Variants in TMEM132B observed in about 807,000 individuals in gnomAD.
TMEM132B encodes transmembrane protein 132B.
TMEM132B carries 18 observed loss-of-function variants against 90.8 expected under a neutral mutation model. The ratio of observed to expected loss-of-function variants is 0.20; its 90% CI spans 0.14 to 0.29. The LOEUF (loss-of-function observed/expected upper bound fraction) is 0.29. TMEM132B is among the 10% of genes least tolerant of loss of function. The probability of loss-of-function intolerance (pLI) is 1.00; values close to 1 mark genes in which losing one functional copy is unlikely to be tolerated. For synonymous variants in TMEM132B, 504 were observed against 523.3 expected (o/e 0.96, Z 0.50); for missense variants, 1,096 against 1,326.8 (o/e 0.83, Z 2.70).
intron 1 of TMEM132B, among the ~76,000 whole-genome samples, chr12:125,287,899 A>T (rs1288992883): frequency 1.3e-5 from 2 of 151,754 alleles, no homozygotes; most frequent in Non-Finnish European, 2.9e-5. Context: ...ACAGTGTCTC[A>T]CTCTGTCGCC....
At chr12:125,595,169 G>A (rs1429427961) in intron 5 of TMEM132B, among the ~76,000 whole-genome samples, 1 of 152,188 alleles carries the variant, frequency 6.6e-6, no homozygotes, top group Admixed American at 6.5e-5. Flanking sequence ...GCCCTGTTGA[G>A]CTTTCTTTGC....
chr12:125,645,406 G>A (rs1886738838), intron 6 of TMEM132B, among the ~76,000 whole-genome samples: 1 of 152,170 alleles, frequency 6.6e-6, no homozygotes, highest in Non-Finnish European at 1.5e-5. Context: ...CAAGCAGAGA[G>A]TTCCTGCCAA....
intron 1 of TMEM132B, among the ~76,000 whole-genome samples, chr12:125,259,597 T>C (rs888471526): frequency 1.3e-5 from 2 of 152,130 alleles, no homozygotes; most frequent in Non-Finnish European, 2.9e-5. Context: ...GCTCTAAGAA[T>C]TGGGAGGGAA....
At chr12:125,533,018 T>C (rs1241171711) in intron 4 of TMEM132B, among the ~76,000 whole-genome samples, 8 of 152,158 alleles carry the variant, frequency 5.3e-5, no homozygotes, top group African/African-American at 1.9e-4. Context: ...TGCCAGCCTC[T>C]GTACTGATCA....
chr12:125,247,104 A>G (rs1003400339), intron 1 of TMEM132B, among the ~76,000 whole-genome samples: 5 of 152,208 alleles, frequency 3.3e-5, no homozygotes, highest in Admixed American at 1.3e-4. Context: ...CTCACTACCT[A>G]TAAGGTAACC....
chr12:125,294,983 C>T (rs1483774204), intron 1 of TMEM132B, among the ~76,000 whole-genome samples: 2 of 152,106 alleles, frequency 1.3e-5, no homozygotes, highest in African/African-American at 2.4e-5. Context: ...ACAACCTTAA[C>T]GGCGGGTGGT....
At chr12:125,524,585 A>G (rs1015782329) in intron 4 of TMEM132B, among the ~76,000 whole-genome samples, 1 of 152,268 alleles carries the variant, frequency 6.6e-6, no homozygotes, top group African/African-American at 2.4e-5. Flanking sequence ...TGTGAGGATT[A>G]AATGATATAC....
intron 5 of TMEM132B, among the ~76,000 whole-genome samples, chr12:125,605,640 C>G (rs1042568457): frequency 6.1e-4 from 93 of 152,152 alleles, no homozygotes; most frequent in African/African-American, 2.1e-3. Flanking sequence ...TAAGTAGAGT[C>G]ATTACTAACA....
At chr12:125,288,935 C>T (rs1221997549) in intron 1 of TMEM132B, among the ~76,000 whole-genome samples, 3 of 152,154 alleles carry the variant, frequency 2.0e-5, no homozygotes, top group Non-Finnish European at 4.4e-5. Flanking sequence ...TGGGCTGTGG[C>T]CAAGCTCAAA....
chr12:125,289,072 G>T lies in TMEM132B; in HGVS notation c.68-60380G>T, dbSNP rs143801024. Among the ~76,000 whole-genome samples, 1,226 of 152,290 alleles carry T rather than the reference G, an allele frequency of 8.1e-3. 10 individuals carry two copies. The highest frequency in any genetic ancestry group is 0.017 in the Middle Eastern group (5 of 294). ...TACCACACCTTACCTATTCTTAAGA[G>T]AATTTGTCCAAGCTTTGATGGGCTT... On this transcript the variant is annotated intron_variant, in intron 1 of 8. Coordinates refer to ENST00000682704, the MANE Select transcript of TMEM132B (RefSeq NM_001366854.1).
intron 1 of TMEM132B, among the ~76,000 whole-genome samples, chr12:125,192,721 G>C (rs910470313): frequency 1.3e-5 from 2 of 152,198 alleles, no homozygotes; most frequent in African/African-American, 4.8e-5. Context: ...TGGCGTTTGT[G>C]GAAACAGCAG....
intron 4 of TMEM132B, among the ~76,000 whole-genome samples, chr12:125,561,975 C>T (rs1212418647): frequency 2.0e-5 from 3 of 152,108 alleles, no homozygotes; most frequent in Admixed American, 6.5e-5. Flanking sequence ...TCTTCTCTAG[C>T]GATCCTAGAT....
intron 1 of TMEM132B, among the ~76,000 whole-genome samples, chr12:125,329,059 A>G (rs1435265368): frequency 6.6e-6 from 1 of 152,164 alleles, no homozygotes; most frequent in Middle Eastern, 3.4e-3. Flanking sequence ...CTCCAATGTG[A>G]TGGTATCAGG....
At chr12:125,579,950 G>A (rs897106603) in intron 4 of TMEM132B, among the ~76,000 whole-genome samples, 1 of 152,102 alleles carries the variant, frequency 6.6e-6, no homozygotes, top group South Asian at 2.1e-4. Flanking sequence ...GTTTGTTGTA[G>A]TAGCTGTTGA....
chr12:125,645,319 T>C (rs529766623), intron 6 of TMEM132B, among the ~76,000 whole-genome samples: 47 of 151,776 alleles, frequency 3.1e-4, no homozygotes, highest in African/African-American at 1.1e-3. Context: ...TTTACAGATG[T>C]AACTACAATC....
chr12:125,544,282 T>G (rs1450942700), intron 4 of TMEM132B, among the ~76,000 whole-genome samples: 1 of 152,180 alleles, frequency 6.6e-6, no homozygotes, highest in Non-Finnish European at 1.5e-5. Flanking sequence ...CAAACCACCA[T>G]GACACACATT....
At chr12:125,478,763 C>G (rs1013200844) in intron 3 of TMEM132B, among the ~76,000 whole-genome samples, 59 of 152,194 alleles carry the variant, frequency 3.9e-4, no homozygotes, top group Non-Finnish European at 6.9e-4. Context: ...ACAGAGAACA[C>G]CACAAAGATA....
At chr12:125,257,590 G>A (rs1177747932) in intron 1 of TMEM132B, among the ~76,000 whole-genome samples, 1 of 152,164 alleles carries the variant, frequency 6.6e-6, no homozygotes, top group African/African-American at 2.4e-5. Context: ...CTTTCCACCA[G>A]GATGACCCCC....
chr12:125,222,787 A>G (rs946233632), intron 1 of TMEM132B, among the ~76,000 whole-genome samples: 1 of 152,220 alleles, frequency 6.6e-6, no homozygotes, highest in East Asian at 1.9e-4. Context: ...AGTACCACCC[A>G]CCCTGCAGTG....
Sources: allele counts gnomAD v4.1 joint callset (sites outside exome capture counted in the v4.1 genomes callset), GRCh38; gene constraint gnomAD v4.1.1; transcripts MANE v1.5; gene names NCBI Gene and HGNC (gene_info 2026-07-23, HGNC 2026-07-21).